Variants in PSMB3 observed in about 807,000 individuals in gnomAD.
PSMB3 encodes the protein proteasome subunit beta type-3.
Under a neutral mutation model 23.3 loss-of-function variants are expected in PSMB3, and 5 were observed. That is an observed-to-expected ratio of 0.21 (90% CI 0.11 to 0.45). The LOEUF is 0.45. PSMB3 is among the 20% of genes least tolerant of loss of function. PSMB3 has a pLI of 0.99. For missense variants in PSMB3, 192 were observed against 277.9 expected (o/e 0.69, Z 2.20); for synonymous variants, 85 against 99.8 (o/e 0.85, Z 0.88).
At chr17:38,755,676 ATATATATGTGTGTGTG>A (rs1488424157) in intron 2 of PSMB3, among the ~76,000 whole-genome samples, 191 bp from the exon 3 acceptor site, 1 of 107,776 alleles carries the variant, frequency 9.3e-6, no homozygotes, top group African/African-American at 3.6e-5. Context: ...ATATATATAT[ATATATATGTGTGTGTG>A]TGTGTGTGTG....
At chr17:38,758,099 T>G (rs1220867051) in intron 3 of PSMB3, among the ~76,000 whole-genome samples, 1 of 152,196 alleles carries the variant, frequency 6.6e-6, no homozygotes, top group East Asian at 1.9e-4. Context: ...CTGCAGTGTT[T>G]CAGACAGAGG....
intron 2 of PSMB3, among the ~76,000 whole-genome samples, chr17:38,755,674 A>ATGTGTGTGTGTGTG (rs1321711737): frequency 3.3e-4 from 30 of 91,304 alleles, no homozygotes; most frequent in Middle Eastern, 5.6e-3. Context: ...ATATATATAT[A>ATGTGTGTGTGTGTG]TATATATATG....
chr17:38,764,183 C>A lies in PSMB3; in HGVS notation c.*16C>A. ...AATGGACTAACCCTGTTCCCAGAGC[C>A]CACTTTTTTTTCTTTTTTTGAAATA... is the stretch of plus-strand genomic sequence containing the variant. On this transcript the variant is annotated 3_prime_UTR_variant, in exon 6 of 6. Transcript: ENST00000619426. 1 of 1,612,480 alleles carries A rather than the reference C, an allele frequency of 6.2e-7. No homozygotes were observed. Among genetic ancestry groups the A allele is most frequent in the African/African-American group, 1.3e-5 (1 of 74,920 alleles).
chr17:38,753,024 A>G (rs1481580000), intron 1 of PSMB3, 126 bp from the exon 2 acceptor site: 3 of 1,270,732 alleles, frequency 2.4e-6, no homozygotes, highest in African/African-American at 3.0e-5. Context: ...CCAGCTGGAG[A>G]ACCAGGGGTT....
intron 3 of PSMB3, among the ~76,000 whole-genome samples, chr17:38,756,710 G>A (rs1201245714): frequency 6.6e-6 from 1 of 151,988 alleles, no homozygotes; most frequent in Non-Finnish European, 1.5e-5. Flanking sequence ...GGGTCAGGCT[G>A]GTCTCGAACT....
chr17:38,760,313 C>T (rs1908378788), intron 3 of PSMB3, 118 bp from the exon 4 acceptor site: 2 of 1,095,034 alleles, frequency 1.8e-6, no homozygotes, highest in African/African-American at 1.6e-5. Flanking sequence ...TCTTCCTAAA[C>T]AGGTCCTCCA....
chr17:38,762,191 A>G, intron 4 of PSMB3: 1 of 540,542 alleles, frequency 1.9e-6, no homozygotes, highest in East Asian at 3.0e-5. Context: ...AGTAAAAGAA[A>G]TTCAGGGCTT....
intron 2 of PSMB3, 50 bp downstream of exon 2, chr17:38,753,384 C>T (rs1457377912): frequency 2.6e-6 from 4 of 1,567,026 alleles, no homozygotes; most frequent in Non-Finnish European, 3.5e-6. Flanking sequence ...TTGGACCATC[C>T]AACCCCGGCG....
chr17:38,755,352 A>G (rs533355018), intron 2 of PSMB3: 20 of 151,578 alleles, frequency 1.3e-4, no homozygotes, highest in African/African-American at 4.4e-4. Context: ...CAGTTTTAAT[A>G]TATGTGCTGC....
In PSMB3 at chr17:38,752,906, A is replaced by C; in HGVS notation, c.3+77A>C. 1 of 1,590,668 alleles carries C rather than the reference A, an allele frequency of 6.3e-7. No individual in the cohort carries two copies. The highest frequency in any genetic ancestry group is 8.6e-7 in the Non-Finnish European group (1 of 1,162,856). On this transcript the variant is annotated intron_variant, in intron 1 of 5. Coordinates refer to ENST00000619426, the MANE Select transcript of PSMB3 (RefSeq NM_002795.4). This position sits in a 1 kb window ranked among gnomAD's most constrained non-coding sequence, Gnocchi z 5.5. ...GGGGGTCAGGAGAGGCTTGGGGACG[A>C]AAAGGGCCTAGGGTCGATGGAAGGA...
At position 38,762,402 on chromosome 17, in the gene PSMB3, T is replaced by C; in HGVS notation, c.475-9T>C. 6.2e-7 allele frequency: 1 copy of C among 1,613,032 alleles called. No homozygotes were observed. Among genetic ancestry groups the C allele is most frequent in the Non-Finnish European group, 8.5e-7 (1 of 1,178,956 alleles). ...GCTGTGGTTTGAAGGGGTTCCACTC[T>C]GTTGGCAGGATCCGGATCACCTGTT... On this transcript the variant is annotated splice_polypyrimidine_tract_variant and intron_variant, in intron 4 of 5. Transcript: ENST00000619426.
chr17:38,764,216 C>CTGTCT lies in PSMB3; in HGVS notation c.*51_*55dup. 6.4e-7 allele frequency: 1 copy of CTGTCT among 1,562,232 alleles called. No homozygotes were observed. Among genetic ancestry groups the CTGTCT allele is most frequent in the Non-Finnish European group, 8.7e-7 (1 of 1,146,286 alleles). On this transcript the variant is annotated 3_prime_UTR_variant, in exon 6 of 6. Transcript: ENST00000619426. ...TTTTCTTTTTTTGAAATAAAATAGCCTGTCTTTCACTCCTGCTTTTGTCTT... is the reference window on the plus strand; with the variant it reads ...TTTTCTTTTTTTGAAATAAAATAGCCTGTCTTGTCTTTCACTCCTGCTTTTGTCTT...
Position 38,752,930 on chromosome 17 carries a change from G to T in PSMB3, c.3+101G>T, listed in dbSNP as rs1451354038. The T allele has an allele frequency of 5.9e-6, 9 of 1,537,034 alleles. No individual in the cohort carries two copies. On this transcript the variant is annotated intron_variant, in intron 1 of 5. Coordinates refer to ENST00000619426, the MANE Select transcript of PSMB3 (RefSeq NM_002795.4). This position sits in a 1 kb window ranked among gnomAD's most constrained non-coding sequence, Gnocchi z 5.5. ...GAAAAGGGCCTAGGGTCGATGGAAG[G>T]AAGCGGTTTCAGTTCGAGGGGAGCG...
intron 5 of PSMB3, among the ~76,000 whole-genome samples, chr17:38,763,661 C>A (rs1345123003): frequency 1.3e-5 from 2 of 151,816 alleles, no homozygotes; most frequent in Non-Finnish European, 2.9e-5. Context: ...TGCCACCATG[C>A]CCAGCTAATT....
In PSMB3 at chr17:38,760,590, C is replaced by T; in HGVS notation, c.456C>T (p.Ser152=). ...CAEQMYGMCE[S]LWEPNMDPDH... ...AACAAATGTACGGAATGTGTGAGTC[C>T]CTCTGGGAGCCCAACATGGTACGTT... Residue 152 remains serine (S), a synonymous_variant, in exon 4 of 6, where the codon TCC becomes TCT. Transcript: ENST00000619426. The T allele has an allele frequency of 6.2e-7, 1 of 1,614,206 alleles. No individual in the cohort carries two copies. Among genetic ancestry groups the T allele is most frequent in the Non-Finnish European group, 8.5e-7 (1 of 1,180,040 alleles).
In PSMB3 at chr17:38,752,750, A is replaced by G. The variant is rs542224198; in HGVS notation, c.-77A>G. 3.2e-6 allele frequency: 5 copies of G among 1,563,590 alleles called. No individual in the cohort carries two copies. Among genetic ancestry groups the G allele is most frequent in the Non-Finnish European group, 4.4e-6 (5 of 1,134,050 alleles). Reference sequence around the variant, plus strand: ...CAGCCAATGAAGAGACAGCAGTGAGAGCGGTTGCGCAGTGAAGGCTAGACC... The same window carrying G: ...CAGCCAATGAAGAGACAGCAGTGAGGGCGGTTGCGCAGTGAAGGCTAGACC... On this transcript the variant is annotated 5_prime_UTR_variant, in exon 1 of 6. Coordinates refer to ENST00000619426, the MANE Select transcript of PSMB3 (RefSeq NM_002795.4). This position sits in a 1 kb window ranked among gnomAD's most constrained non-coding sequence, Gnocchi z 5.5.
chr17:38,758,920 C>T (rs1400848575), intron 3 of PSMB3, among the ~76,000 whole-genome samples: 12 of 152,182 alleles, frequency 7.9e-5, no homozygotes, highest in Admixed American at 7.9e-4. Context: ...GTGGCGGGCA[C>T]CTGTAGTCCC....
intron 3 of PSMB3, among the ~76,000 whole-genome samples, chr17:38,757,179 CAA>C (rs1460209674): frequency 6.6e-6 from 1 of 150,646 alleles, no homozygotes; most frequent in East Asian, 2.0e-4. Flanking sequence ...CTGCGCCCTG[CAA>C]AAAGTCTTAT....
Position 38,760,528 on chromosome 17 carries a change from G to A in PSMB3, c.394G>A (p.Val132Met). The stretch of plus-strand genomic sequence containing the variant: ...TCTAGACCTCATCGGCTGCCCCATG[G>A]TGACTGATGACTTTGTGGTCAGTGG... ...CSLDLIGCPM[V>M]TDDFVVSGTC... The change falls in exon 4 of 6, where the codon GTG (valine) becomes ATG (methionine). Residue 132 changes from valine (V) to methionine (M), a missense_variant. By Grantham distance (21) the Val-to-Met change is conservative (BLOSUM62 1). Coordinates refer to ENST00000619426, the MANE Select transcript of PSMB3 (RefSeq NM_002795.4). The A allele has an allele frequency of 6.2e-7, 1 of 1,614,236 alleles. No homozygotes were observed. The highest frequency in any genetic ancestry group is 8.5e-7 in the Non-Finnish European group (1 of 1,180,038).
Sources: gnomAD v4.1 joint callset for allele counts (sites outside exome capture counted in the v4.1 genomes callset) on GRCh38, gnomAD v4.1.1 for gene constraint, Gnocchi (gnomAD v3.1) non-coding constraint, MANE v1.5 for transcripts, NCBI Gene and HGNC (gene_info 2026-07-23, HGNC 2026-07-21) for gene names.